The following FBXW7 variants were observed in gnomAD, a reference collection of about 807,000 sequenced individuals.
FBXW7 encodes F-box/WD repeat-containing protein 7.
FBXW7 carries 11 observed loss-of-function variants against 86.3 expected under a neutral mutation model. That is an observed-to-expected ratio of 0.13 (90% CI 0.08 to 0.21). FBXW7 has a LOEUF of 0.21. Among genes scored for constraint, FBXW7 ranks in the 10% least tolerant of loss-of-function variants. The pLI is 1.00. For missense variants in FBXW7, 488 were observed against 847.4 expected (o/e 0.58, Z 5.27); for synonymous variants, 313 against 297.9 (o/e 1.05, Z -0.52).
chr4:152,446,375 C>A (rs1386888544), intron 2 of FBXW7, among the ~76,000 whole-genome samples: 3 of 125,226 alleles, frequency 2.4e-5, no homozygotes, highest in African/African-American at 9.1e-5. Context: ...CAACTTGATT[C>A]TTTAAGAAAC....
chr4:152,367,976 C>T (rs914654633), intron 4 of FBXW7, among the ~76,000 whole-genome samples: 15 of 151,032 alleles, frequency 9.9e-5, no homozygotes, highest in African/African-American at 3.2e-4. Context: ...CCATTTATTA[C>T]TTTTTTTTTG....
At chr4:152,505,363 C>G (rs1459010565) in intron 2 of FBXW7, among the ~76,000 whole-genome samples, 4 of 152,006 alleles carry the variant, frequency 2.6e-5, no homozygotes, top group Non-Finnish European at 5.9e-5. Context: ...TTCTTTCTTC[C>G]GTAATAACCT....
chr4:152,330,193 C>T (rs1259757358), intron 9 of FBXW7, among the ~76,000 whole-genome samples: 1 of 151,798 alleles, frequency 6.6e-6, no homozygotes, highest in Non-Finnish European at 1.5e-5. Context: ...CAAAAAAAAT[C>T]ATAATATATA....
At chr4:152,454,257 C>G (rs894308533) in intron 2 of FBXW7, among the ~76,000 whole-genome samples, 5 of 129,178 alleles carry the variant, frequency 3.9e-5, no homozygotes, top group Non-Finnish European at 8.2e-5. Context: ...CTAAGCCCCC[C>G]CCCCCTTTTT....
At chr4:152,339,451 G>A (rs1320697649) in intron 6 of FBXW7, among the ~76,000 whole-genome samples, 8 of 152,280 alleles carry the variant, frequency 5.3e-5, no homozygotes, top group Admixed American at 4.6e-4. Flanking sequence ...AACTGATAGT[G>A]ATCAATCTCC....
intron 2 of FBXW7, among the ~76,000 whole-genome samples, chr4:152,432,760 C>G (rs1387998087): frequency 3.2e-4 from 49 of 152,114 alleles, no homozygotes. Flanking sequence ...TGCAGTGAGA[C>G]GAGATCGCGA....
chr4:152,364,637 T>C (rs949376927), intron 4 of FBXW7, among the ~76,000 whole-genome samples: 5 of 152,170 alleles, frequency 3.3e-5, no homozygotes, highest in South Asian at 4.1e-4. Flanking sequence ...TCTGAATACA[T>C]AGAGCACATG....
At chr4:152,430,807 A>G (rs2126948117) in intron 2 of FBXW7, among the ~76,000 whole-genome samples, 1 of 152,320 alleles carries the variant, frequency 6.6e-6, no homozygotes, top group South Asian at 2.1e-4. Context: ...CAAAGGTCTA[A>G]CTAAGATGGA....
chr4:152,427,622 T>A (rs1252223031), intron 2 of FBXW7, among the ~76,000 whole-genome samples: 1 of 152,194 alleles, frequency 6.6e-6, no homozygotes, highest in Non-Finnish European at 1.5e-5. Context: ...AGTCTTTGTA[T>A]GCTTCATAAT....
At chr4:152,477,182 A>G (rs981803725) in intron 2 of FBXW7, among the ~76,000 whole-genome samples, 3 of 152,152 alleles carry the variant, frequency 2.0e-5, no homozygotes, top group African/African-American at 7.2e-5. Context: ...CAACTGAGTA[A>G]CTGCTAGCTT....
chr4:152,366,245 G>A (rs926077849), intron 4 of FBXW7, among the ~76,000 whole-genome samples: 8 of 152,212 alleles, frequency 5.3e-5, no homozygotes, highest in African/African-American at 1.9e-4. Flanking sequence ...CAGTCATACA[G>A]TCCAAATACA....
chr4:152,515,751 CTCTT>C (rs955740458), intron 2 of FBXW7, among the ~76,000 whole-genome samples: 9 of 147,940 alleles, frequency 6.1e-5, no homozygotes, highest in East Asian at 2.0e-4. Context: ...AACCACAACT[CTCTT>C]TTTTTTTTTT....
chr4:152,366,716 G>A (rs1733516804), intron 4 of FBXW7, among the ~76,000 whole-genome samples: 1 of 152,170 alleles, frequency 6.6e-6, no homozygotes, highest in African/African-American at 2.4e-5. Flanking sequence ...CATTGTGGAA[G>A]ACAGTGTGGC....
At chr4:152,486,574 C>T (rs1179453764) in intron 2 of FBXW7, among the ~76,000 whole-genome samples, 1 of 152,110 alleles carries the variant, frequency 6.6e-6, no homozygotes, top group African/African-American at 2.4e-5. Flanking sequence ...TGTCTTCCAC[C>T]TCCACATACT....
At chr4:152,459,391 A>G (rs1459659030) in intron 2 of FBXW7, among the ~76,000 whole-genome samples, 2 of 152,206 alleles carry the variant, frequency 1.3e-5, no homozygotes, top group African/African-American at 4.8e-5. Context: ...AGCAAATAAG[A>G]TACTACAGTA....
chr4:152,323,263 A>G (rs1728705622), intron 13 of FBXW7, 114 bp from the exon 14 acceptor site: 4 of 1,223,410 alleles, frequency 3.3e-6, no homozygotes, highest in Non-Finnish European at 4.5e-6. Context: ...AACATTTGAA[A>G]TGATACATAT....
intron 2 of FBXW7, among the ~76,000 whole-genome samples, chr4:152,429,704 T>C (rs962328407): frequency 1.3e-5 from 2 of 152,196 alleles, no homozygotes; most frequent in Non-Finnish European, 2.9e-5. Context: ...GCAACCTTAA[T>C]CCAAGCCTGT....
intron 2 of FBXW7, among the ~76,000 whole-genome samples, chr4:152,454,421 A>T (rs892360751): frequency 2.6e-5 from 4 of 152,014 alleles, no homozygotes; most frequent in African/African-American, 9.7e-5. Context: ...TTTGCCTACA[A>T]ATAACTTTTG....
intron 2 of FBXW7, among the ~76,000 whole-genome samples, chr4:152,466,095 C>T (rs758646796): frequency 6.6e-6 from 1 of 152,146 alleles, no homozygotes; most frequent in South Asian, 2.1e-4. Flanking sequence ...CAACCTTACA[C>T]AGAAAGCTAA....
Sources: allele counts gnomAD v4.1 joint callset (sites outside exome capture counted in the v4.1 genomes callset), GRCh38; gene constraint gnomAD v4.1.1; transcripts MANE v1.5; gene names NCBI Gene and HGNC (gene_info 2026-07-23, HGNC 2026-07-21).